Variants in TBCD observed in about 807,000 individuals in gnomAD.
TBCD encodes the protein tubulin folding cofactor D.
A neutral mutation model predicts 169.3 loss-of-function variants in TBCD; 105 were observed. That is an observed-to-expected ratio of 0.62 (90% CI 0.53 to 0.73). The LOEUF (loss-of-function observed/expected upper bound fraction) is 0.73, where lower values mean the gene tolerates loss of function less well. TBCD is among the 30% of genes least tolerant of loss of function. TBCD has a pLI of 0.00. For missense variants in TBCD, 1,444 were observed against 1,600.1 expected (o/e 0.90, Z 1.66); for synonymous variants, 700 against 643.9 (o/e 1.09, Z -1.32).
At chr17:82,843,716 T>C (rs952222498) in intron 13 of TBCD, among the ~76,000 whole-genome samples, 2 of 152,312 alleles carry the variant, frequency 1.3e-5, no homozygotes, top group African/African-American at 2.4e-5. Context: ...CATATTCTTA[T>C]TAGTTTATGA....
At chr17:82,818,787 C>G (rs1374305682) in intron 13 of TBCD, among the ~76,000 whole-genome samples, 1 of 152,170 alleles carries the variant, frequency 6.6e-6, no homozygotes, top group African/African-American at 2.4e-5. Flanking sequence ...TGAAAACAGG[C>G]TGGGCACGGC....
chr17:82,802,518 G>A (rs1249702323), intron 9 of TBCD, among the ~76,000 whole-genome samples: 2 of 152,244 alleles, frequency 1.3e-5, no homozygotes, highest in East Asian at 3.9e-4. Flanking sequence ...ATGTGTGTGT[G>A]TCGGCGAGGC....
chr17:82,839,757 C>T (rs765890751), intron 13 of TBCD, among the ~76,000 whole-genome samples: 16 of 152,220 alleles, frequency 1.1e-4, no homozygotes, highest in Non-Finnish European at 1.8e-4. Context: ...GTTTTGTAAT[C>T]GTGGTCTGCA....
At chr17:82,856,979 C>T (rs1343574658) in intron 13 of TBCD, among the ~76,000 whole-genome samples, 2 of 152,022 alleles carry the variant, frequency 1.3e-5, no homozygotes, top group African/African-American at 4.8e-5. Context: ...CGGTGCGCAT[C>T]CAGGGCGGGA....
chr17:82,757,942 T>C (rs2047490291), intron 2 of TBCD, among the ~76,000 whole-genome samples: 1 of 152,166 alleles, frequency 6.6e-6, no homozygotes, highest in Non-Finnish European at 1.5e-5. Context: ...GGGTGGTGTT[T>C]TTATATCTCT....
At chr17:82,815,411 C>T (rs1424642577) in intron 13 of TBCD, among the ~76,000 whole-genome samples, 3 of 152,174 alleles carry the variant, frequency 2.0e-5, no homozygotes, top group Non-Finnish European at 4.4e-5. Context: ...CCTGGAGTGA[C>T]GTGGTGCTCC....
chr17:82,926,356 T>C (rs777865420), intron 27 of TBCD, 44 bp from the exon 28 acceptor site: 2 of 1,593,244 alleles, frequency 1.3e-6, no homozygotes, highest in Admixed American at 3.4e-5. Flanking sequence ...GAGTGCACTT[T>C]GTTATAGCTT....
chr17:82,827,529 G>C lies in TBCD; in HGVS notation c.1318+12595G>C, dbSNP rs147945741. On this transcript the variant is annotated intron_variant, in intron 13 of 38. Transcript: ENST00000355528. ...CATTGAGTAGCCCCAGGGGTGCTTC[G>C]CACATGCCGGTACTTGACCACTGCT... Among the ~76,000 whole-genome samples, 7 of 152,292 alleles carry C rather than the reference G, an allele frequency of 4.6e-5. No homozygotes were observed. In the South Asian group the frequency reaches 1.2e-3, roughly 27 times the overall value.
chr17:82,763,539 G>A (rs1283596069), intron 2 of TBCD, among the ~76,000 whole-genome samples: 1 of 152,032 alleles, frequency 6.6e-6, no homozygotes, highest in Non-Finnish European at 1.5e-5. Context: ...TCAGGAGTTC[G>A]AGACCAGCCT....
At chr17:82,905,495 C>T (rs1419316985) in intron 19 of TBCD, among the ~76,000 whole-genome samples, 3 of 144,908 alleles carry the variant, frequency 2.1e-5, no homozygotes, top group African/African-American at 5.2e-5. Context: ...GTGTGCACGC[C>T]GTCGCCTGCC....
intron 13 of TBCD, among the ~76,000 whole-genome samples, chr17:82,822,694 G>A (rs75942054): frequency 0.01 from 1,546 of 152,340 alleles, 32 homozygotes; most frequent in African/African-American, 0.035. Flanking sequence ...AGTGTTCGGA[G>A]TGAGACCAGA....
Position 82,903,305 on chromosome 17 carries a change from T to G in TBCD, c.1731-100T>G. The G allele has an allele frequency of 3.5e-6, 4 of 1,145,796 alleles. No individual in the cohort carries two copies. Among genetic ancestry groups the G allele is most frequent in the Non-Finnish European group, 5.1e-6 (4 of 787,288 alleles). 71.0% of individuals were successfully genotyped at this position (1,145,796 alleles called of 1,614,324 possible). A position where few individuals can be genotyped will look rare whatever the true frequency, so the allele number is the denominator to read the frequency against. ...AGTGAGCCTCTGCTAAGTGGCCGGT[T>G]GAGGACTCGTGTGTTGTCTCCCTCA... is the stretch of plus-strand genomic sequence containing the variant. On this transcript the variant is annotated intron_variant, in intron 18 of 38. Coordinates refer to ENST00000355528, the MANE Select transcript of TBCD (RefSeq NM_005993.5). The surrounding 1 kb of genome is among the most constrained non-coding windows in gnomAD (Gnocchi z 4.8).
chr17:82,786,699 T>C (rs2049337437), intron 7 of TBCD, among the ~76,000 whole-genome samples: 2 of 152,104 alleles, frequency 1.3e-5, no homozygotes, highest in South Asian at 4.1e-4. Flanking sequence ...GCGTTCAGGC[T>C]GCCTTGGAGG....
intron 18 of TBCD, among the ~76,000 whole-genome samples, chr17:82,901,795 A>T (rs1026150471): frequency 1.5e-4 from 23 of 152,294 alleles, no homozygotes; most frequent in African/African-American, 5.5e-4. Context: ...TCGCTTACAG[A>T]GAGGGGTGTG....
chr17:82,873,395 G>A (rs1417487841), intron 14 of TBCD, among the ~76,000 whole-genome samples: 1 of 152,112 alleles, frequency 6.6e-6, no homozygotes, highest in African/African-American at 2.4e-5. Context: ...ACCCAGGGTC[G>A]TGTATGGGCC....
intron 27 of TBCD, among the ~76,000 whole-genome samples, chr17:82,926,181 G>A (rs1045034446): frequency 5.6e-5 from 8 of 143,150 alleles, no homozygotes; most frequent in African/African-American, 2.1e-4. Context: ...TGTCCTTCCT[G>A]GGTTGTACTG....
intron 7 of TBCD, among the ~76,000 whole-genome samples, chr17:82,792,308 C>CAA (rs79198926): frequency 1.7e-5 from 2 of 119,022 alleles, no homozygotes; most frequent in Admixed American, 8.2e-5. Flanking sequence ...ACTCCGTCTC[C>CAA]AAAAAAAAAA....
rs1002357251 is a variant in TBCD, at chr17:82,823,630, C to T, written c.1318+8696C>T. ...CCCCGTTAAGACTGTTTAGAAAGGG[C>T]GTTGTCGGCATCTTCTCTTACATGT... On this transcript the variant is annotated intron_variant, in intron 13 of 38. Coordinates refer to ENST00000355528, the MANE Select transcript of TBCD (RefSeq NM_005993.5). Among the ~76,000 whole-genome samples the T allele has an allele frequency of 1.5e-4, 23 of 151,418 alleles. 1 individual carries two copies. The highest frequency in any genetic ancestry group is 3.4e-4 in the African/African-American group (14 of 41,198).
Position 82,905,941 on chromosome 17 carries a change from C to T in TBCD, c.1810C>T (p.Pro604Ser), listed in dbSNP as rs575721383. ...APEFSATQVF[P>S]RLLSMTLSPD... The stretch of plus-strand genomic sequence containing the variant: ...CTCGGCCCTGTCTCTTGCAGTCTTC[C>T]CGAGGCTGCTGTCCATGACACTGAG... Residue 604 changes from proline to serine, a missense_variant, in exon 20 of 39, where the codon CCG becomes TCG. By Grantham distance (74) the Pro-to-Ser change is moderately conservative. Coordinates refer to ENST00000355528, the MANE Select transcript of TBCD (RefSeq NM_005993.5). 1.6e-4 allele frequency: 259 copies of T among 1,610,928 alleles called. 2 individuals are homozygous for T. In the East Asian group the frequency reaches 5.5e-3, roughly 34 times the overall value.
Sources: gnomAD v4.1 joint callset for allele counts (sites outside exome capture counted in the v4.1 genomes callset) on GRCh38, gnomAD v4.1.1 for gene constraint, Gnocchi (gnomAD v3.1) non-coding constraint, MANE v1.5 for transcripts, NCBI Gene and HGNC (gene_info 2026-07-23, HGNC 2026-07-21) for gene names.